NPLOC4: variants seen among roughly 807,000 people sequenced by gnomAD.
NPLOC4 encodes the protein NPL4 homolog, ubiquitin recognition factor, also known as nuclear protein localization protein 4 homolog.
Under a neutral mutation model 80.6 loss-of-function variants are expected in NPLOC4, and 18 were observed. The observed-to-expected ratio is 0.22, with a 90% CI of 0.15 to 0.33. The LOEUF (loss-of-function observed/expected upper bound fraction) is 0.33, where lower values mean the gene tolerates loss of function less well. NPLOC4 is among the 10% of genes least tolerant of loss of function. The pLI is 1.00. For synonymous variants in NPLOC4, 313 were observed against 301.5 expected, an observed-to-expected ratio of 1.04 and a Z score of -0.39; for missense variants, 540 against 786.1, an observed-to-expected ratio of 0.69 and a Z score of 3.74.
intron 3 of NPLOC4, among the ~76,000 whole-genome samples, chr17:81,616,566 T>C (rs1322053388): frequency 6.7e-6 from 1 of 149,516 alleles, no homozygotes. Flanking sequence ...CCGTCTCTAC[T>C]AAAAATAGAA....
At chr17:81,614,339 C>A (rs541410434) in intron 3 of NPLOC4, 1 of 148,298 alleles carries the variant, frequency 6.7e-6, no homozygotes, top group Non-Finnish European at 1.5e-5. Context: ...AACAACCCCT[C>A]ATAAAATCCT....
At chr17:81,576,946 C>A (rs940325378) in intron 12 of NPLOC4, among the ~76,000 whole-genome samples, 1 of 152,162 alleles carries the variant, frequency 6.6e-6, no homozygotes, top group Non-Finnish European at 1.5e-5. Context: ...ACAGACCCTT[C>A]GAGTACATAG....
Position 81,613,306 on chromosome 17 carries a change from TG to T in NPLOC4, c.386+11del. 1 of 1,607,344 alleles carries T rather than the reference TG, an allele frequency of 6.2e-7. No individual in the cohort carries two copies. ...CCACAAGTAGGACCCTGGAATCTCATGGATCACTTACAGCTGTGGGTCTCGG... is the reference window on the plus strand; with the variant it reads ...CCACAAGTAGGACCCTGGAATCTCATGATCACTTACAGCTGTGGGTCTCGG... On this transcript the variant is annotated intron_variant, in intron 4 of 16. Transcript: ENST00000331134.
At chr17:81,626,404 T>C (rs1250675855) in intron 2 of NPLOC4, among the ~76,000 whole-genome samples, 2 of 151,426 alleles carry the variant, frequency 1.3e-5, no homozygotes, top group Admixed American at 6.6e-5. Flanking sequence ...AAACATCAAA[T>C]AGCAACTCCA....
chr17:81,629,964 T>C (rs1258789282), intron 1 of NPLOC4, 159 bp from the exon 2 acceptor site: 3 of 593,912 alleles, frequency 5.1e-6, no homozygotes, highest in Non-Finnish European at 9.1e-6. Flanking sequence ...TTCTAGAATA[T>C]GATGCCGAGG....
At position 81,558,289 on chromosome 17, in the gene NPLOC4, T is replaced by C. The variant is rs1268056962; in HGVS notation, c.*970A>G. 6.6e-6 allele frequency: 1 copy of C among 152,228 alleles called. No homozygotes were observed. Among genetic ancestry groups the C allele is most frequent in the Non-Finnish European group, 1.5e-5 (1 of 68,108 alleles). 9.4% of individuals were successfully genotyped at this position (152,228 alleles called of 1,614,324 possible). A position where few individuals can be genotyped will look rare whatever the true frequency, so the allele number is the denominator to read the frequency against. ...GGCGGTGCAGTGGGACGAAGCAGCG[T>C]ATTGGGGAGGGCCAGAGCATCGGCA... On this transcript the variant is annotated 3_prime_UTR_variant, in exon 17 of 17. Transcript: ENST00000331134.
At chr17:81,613,577 C>T in intron 3 of NPLOC4, 83 bp from the exon 4 acceptor site, 1 of 1,334,690 alleles carries the variant, frequency 7.5e-7, no homozygotes, top group African/African-American at 1.5e-5. Flanking sequence ...CTGCAAAAAG[C>T]AAATGCCAAC....
chr17:81,599,702 A>G (rs2035014427), intron 9 of NPLOC4, among the ~76,000 whole-genome samples: 1 of 152,234 alleles, frequency 6.6e-6, no homozygotes, highest in East Asian at 1.9e-4. Flanking sequence ...GCTCTACATT[A>G]ATTTATTAAA....
intron 9 of NPLOC4, among the ~76,000 whole-genome samples, chr17:81,599,061 G>A (rs1186804819): frequency 6.6e-6 from 1 of 152,216 alleles, no homozygotes. Flanking sequence ...GACCAAGGCG[G>A]GTGGATCACC....
chr17:81,595,560 T>G (rs2034887640), intron 11 of NPLOC4, among the ~76,000 whole-genome samples: 1 of 151,032 alleles, frequency 6.6e-6, no homozygotes, highest in Non-Finnish European at 1.5e-5. Context: ...CTTTTCTTTT[T>G]TTGAGACAGA....
At position 81,580,682 on chromosome 17, in the gene NPLOC4, C is replaced by T. The variant is rs1001061911; in HGVS notation, c.1281+8262G>A. Among the ~76,000 whole-genome samples, 1 of 152,226 alleles carries T rather than the reference C, an allele frequency of 6.6e-6. No homozygotes were observed. The highest frequency in any genetic ancestry group is 6.5e-5 in the Admixed American group (1 of 15,282). On this transcript the variant is annotated intron_variant, in intron 12 of 16. Coordinates refer to ENST00000331134, the MANE Select transcript of NPLOC4 (RefSeq NM_017921.4). The surrounding 1 kb of genome is among the most constrained non-coding windows in gnomAD (Gnocchi z 4.4). The stretch of plus-strand genomic sequence containing the variant: ...CCAGGGCACTCCAAGCTTCTCTACC[C>T]GTTCCGCTGGGGTGGCCCACCTCCC...
rs866302506 is a variant in NPLOC4 at position 81,611,304 on chromosome 17, G to A, written c.387-1046C>T. 6.6e-5 allele frequency among the ~76,000 whole-genome samples: 10 copies of A among 151,992 alleles called. 1 individual carries two copies. In the South Asian group the frequency reaches 1.0e-3, roughly 16 times the overall value. ...CACTGCACTCCAGCCTGGGAGACGAGAGTGAAATTCCACTCAAATAAATAA... is the reference window on the plus strand; with the variant it reads ...CACTGCACTCCAGCCTGGGAGACGAAAGTGAAATTCCACTCAAATAAATAA... On this transcript the variant is annotated intron_variant, in intron 4 of 16. Transcript: ENST00000331134.
Position 81,565,556 on chromosome 17 carries a change from C to T in NPLOC4, c.1618G>A (p.Ala540Thr), listed in dbSNP as rs780397706. Residue 540 changes from alanine to threonine, a missense_variant, in exon 16 of 17, where the codon GCC becomes ACC. This residue lies in a region of NPLOC4 where 251 missense variants were observed against 377.5 expected (regional missense o/e 0.66). Transcript: ENST00000331134. ...TGCTCAGACCTCTTCCATGTCTGGGCGAGCTCCTCATTTCTGGTCCGCACG... is the reference window on the plus strand; with the variant it reads ...TGCTCAGACCTCTTCCATGTCTGGGTGAGCTCCTCATTTCTGGTCCGCACG... ...EAVRTRNEEL[A>T]QTWKRSEQWA... 2 of 1,556,066 alleles carry T rather than the reference C, an allele frequency of 1.3e-6. No individual in the cohort carries two copies. The highest frequency in any genetic ancestry group is 1.7e-6 in the Non-Finnish European group (2 of 1,150,648).
chr17:81,627,850 T>C (rs1267228898), intron 2 of NPLOC4, among the ~76,000 whole-genome samples: 2 of 150,888 alleles, frequency 1.3e-5, no homozygotes, highest in Admixed American at 6.6e-5. Context: ...GCAGGAGAAC[T>C]GCTGGAACCC....
At chr17:81,610,020 C>T (rs1057174432) in intron 5 of NPLOC4, among the ~76,000 whole-genome samples, 190 bp downstream of exon 5, 1 of 152,230 alleles carries the variant, frequency 6.6e-6, no homozygotes, top group African/African-American at 2.4e-5. Context: ...GAGAAGGTCA[C>T]TCCCATAAAT....
At position 81,567,343 on chromosome 17, in the gene NPLOC4, A is replaced by G; in HGVS notation, c.1566+74T>C. 1 of 902,986 alleles carries G rather than the reference A, an allele frequency of 1.1e-6. No homozygotes were observed. The highest frequency in any genetic ancestry group is 1.8e-6 in the Non-Finnish European group (1 of 557,308). 55.9% of individuals were successfully genotyped at this position (902,986 alleles called of 1,614,324 possible). Reference sequence around the variant, plus strand: ...CAATCATGCTCTGGTCTGGGAGGAAAGAAAGCAAGACACAGGCGTCTCTTT... The same window carrying G: ...CAATCATGCTCTGGTCTGGGAGGAAGGAAAGCAAGACACAGGCGTCTCTTT... On this transcript the variant is annotated intron_variant, in intron 15 of 16. Transcript: ENST00000331134. This position sits in a 1 kb window ranked among gnomAD's most constrained non-coding sequence, Gnocchi z 4.5.
chr17:81,566,943 T>A (rs2034028836), intron 15 of NPLOC4: 1 of 162,186 alleles, frequency 6.2e-6, no homozygotes, highest in Non-Finnish European at 1.4e-5. Flanking sequence ...AAATGCCAAC[T>A]GTGCAGCTGT....
chr17:81,588,933 C>G lies in NPLOC4; in HGVS notation c.1281+11G>C. ...CCATGTACAGAGTTCTTTTTCTTAC[C>G]ATACTTTTACCTTATAAAACACATC... On this transcript the variant is annotated intron_variant, in intron 12 of 16. Transcript: ENST00000331134. 1 of 1,607,186 alleles carries G rather than the reference C, an allele frequency of 6.2e-7. No homozygotes were observed. The highest frequency in any genetic ancestry group is 8.5e-7 in the Non-Finnish European group (1 of 1,177,034).
Position 81,577,105 on chromosome 17 carries a change from C to T in NPLOC4, c.1282-5017G>A, listed in dbSNP as rs901142469. ...GGCCTGCTGAGTAAGCAATGCCTGG[C>T]CACAGCAAGGGGCAGTGGGTTCCTC... is the stretch of plus-strand genomic sequence containing the variant. On this transcript the variant is annotated intron_variant, in intron 12 of 16. Coordinates refer to ENST00000331134, the MANE Select transcript of NPLOC4 (RefSeq NM_017921.4). The surrounding 1 kb of genome is among the most constrained non-coding windows in gnomAD (Gnocchi z 4.3). Among the ~76,000 whole-genome samples the T allele has an allele frequency of 6.6e-6, 1 of 152,184 alleles. No homozygotes were observed. The highest frequency in any genetic ancestry group is 2.4e-5 in the African/African-American group (1 of 41,442).
Sources: gnomAD v4.1 joint callset for allele counts (sites outside exome capture counted in the v4.1 genomes callset) on GRCh38, gnomAD v4.1.1 for gene constraint, gnomAD v4.1.1 regional missense constraint, Gnocchi (gnomAD v3.1) non-coding constraint, MANE v1.5 for transcripts, NCBI Gene and HGNC (gene_info 2026-07-23, HGNC 2026-07-21) for gene names.